PRKN: variants seen among roughly 807,000 people sequenced by gnomAD.
The protein encoded by PRKN is parkin RBR E3 ubiquitin protein ligase.
A neutral mutation model predicts 59.5 loss-of-function variants in PRKN; 56 were observed. The ratio of observed to expected loss-of-function variants is 0.94; its 90% CI spans 0.76 to 1.18. PRKN has a LOEUF of 1.18. PRKN is among the 50% of genes most tolerant of loss of function. The probability of loss-of-function intolerance (pLI) is 0.00; values close to 1 mark genes in which losing one functional copy is unlikely to be tolerated. For synonymous variants in PRKN, 250 were observed against 222.1 expected, an observed-to-expected ratio of 1.13 and a Z score of -1.12; for missense variants, 657 against 596.4, an observed-to-expected ratio of 1.10 and a Z score of -1.06.
At chr6:162,528,835 T>C (rs1410898882) in intron 1 of PRKN, among the ~76,000 whole-genome samples, 1 of 151,934 alleles carries the variant, frequency 6.6e-6, no homozygotes, top group African/African-American at 2.4e-5. Context: ...AACAAAAACC[T>C]AGAAGAGAGT....
At chr6:161,508,934 T>C (rs995473637) in intron 9 of PRKN, among the ~76,000 whole-genome samples, 1 of 152,010 alleles carries the variant, frequency 6.6e-6, no homozygotes, top group Non-Finnish European at 1.5e-5. Flanking sequence ...AACCTCTGCC[T>C]CCCAGGTTCA....
intron 1 of PRKN, among the ~76,000 whole-genome samples, chr6:162,531,940 CAAAAA>C (rs35097200): frequency 6.9e-4 from 73 of 106,438 alleles, no homozygotes; most frequent in Non-Finnish European, 5.7e-4. Flanking sequence ...ACTCTGACTC[CAAAAA>C]AAAAAAAAAA....
intron 7 of PRKN, among the ~76,000 whole-genome samples, chr6:161,670,391 C>G (rs1784865451): frequency 6.6e-6 from 1 of 152,160 alleles, no homozygotes; most frequent in Admixed American, 6.5e-5. Flanking sequence ...GTTCCACCTT[C>G]TCTTGTGGTT....
rs144816769 is a variant in PRKN at position 161,578,833 on chromosome 6, A to G, written c.872-9417T>C. On this transcript the variant is annotated intron_variant, in intron 7 of 11. Transcript: ENST00000366898. This position sits in a 1 kb window ranked among gnomAD's most constrained non-coding sequence, Gnocchi z 4.2. Reference sequence around the variant, plus strand: ...TTTTTCTTATTTGTATGTCATTACAATGTCAAAACAACTTAAATATTTTGA... The same window carrying G: ...TTTTTCTTATTTGTATGTCATTACAGTGTCAAAACAACTTAAATATTTTGA... Among the ~76,000 whole-genome samples, 136 of 152,386 alleles carry G rather than the reference A, an allele frequency of 8.9e-4. 1 individual carries two copies. The highest frequency in any genetic ancestry group is 1.6e-3 in the Non-Finnish European group (108 of 68,042).
chr6:162,310,881 C>T (rs1438360174), intron 2 of PRKN, among the ~76,000 whole-genome samples: 2 of 151,878 alleles, frequency 1.3e-5, no homozygotes, highest in Admixed American at 1.3e-4. Flanking sequence ...AAATTTGAAA[C>T]AACCACAGCA....
intron 6 of PRKN, among the ~76,000 whole-genome samples, chr6:161,916,362 A>G (rs1007616415): frequency 6.6e-6 from 1 of 152,242 alleles, no homozygotes; most frequent in Non-Finnish European, 1.5e-5. Context: ...GTATCATTCC[A>G]TAAGTATACA....
At chr6:162,211,069 C>T (rs956203426) in intron 3 of PRKN, among the ~76,000 whole-genome samples, 2 of 152,142 alleles carry the variant, frequency 1.3e-5, no homozygotes, top group African/African-American at 4.8e-5. Context: ...ACAGGTAAGC[C>T]TTCCTCATTA....
Position 161,530,376 on chromosome 6 carries a change from C to T in PRKN, c.1083+18478G>A, listed in dbSNP as rs1779158703. On this transcript the variant is annotated intron_variant, in intron 9 of 11. Transcript: ENST00000366898. This position sits in a 1 kb window ranked among gnomAD's most constrained non-coding sequence, Gnocchi z 5.0. ...TGACATTGCATATCATCTTCCATAT[C>T]AGGTACCCTGGTTTGAAAAATCATA... is the stretch of plus-strand genomic sequence containing the variant. Among the ~76,000 whole-genome samples, 1 of 152,220 alleles carries T rather than the reference C, an allele frequency of 6.6e-6. No homozygotes were observed. Among genetic ancestry groups the T allele is most frequent in the Non-Finnish European group, 1.5e-5 (1 of 68,042 alleles).
intron 2 of PRKN, among the ~76,000 whole-genome samples, chr6:162,287,331 C>T (rs928386147): frequency 3.3e-5 from 5 of 152,198 alleles, no homozygotes; most frequent in African/African-American, 1.2e-4. Flanking sequence ...GTTTGGGAGT[C>T]TGAGGCAGGA....
intron 4 of PRKN, among the ~76,000 whole-genome samples, chr6:162,165,478 C>A (rs1313440205): frequency 6.0e-5 from 9 of 148,998 alleles, no homozygotes; most frequent in Admixed American, 4.0e-4. Context: ...TCCTAATGAA[C>A]CTAATTTGAA....
chr6:161,674,862 G>C (rs908218926), intron 7 of PRKN, among the ~76,000 whole-genome samples: 2 of 152,230 alleles, frequency 1.3e-5, no homozygotes, highest in Non-Finnish European at 2.9e-5. Context: ...TCTGGGGCTA[G>C]TGTCTACTGG....
chr6:162,278,946 A>G (rs1257243161), intron 2 of PRKN, among the ~76,000 whole-genome samples: 1 of 152,066 alleles, frequency 6.6e-6, no homozygotes, highest in Non-Finnish European at 1.5e-5. Flanking sequence ...GATATTTGCT[A>G]TAAATAGATT....
At chr6:162,080,247 G>C (rs1408414954) in intron 4 of PRKN, among the ~76,000 whole-genome samples, 1 of 152,012 alleles carries the variant, frequency 6.6e-6, no homozygotes, top group African/African-American at 2.4e-5. Context: ...TGTACCCTTG[G>C]GCAAGTAATT....
chr6:161,995,455 C>T (rs191334152), intron 5 of PRKN, among the ~76,000 whole-genome samples: 1 of 151,972 alleles, frequency 6.6e-6, no homozygotes. Flanking sequence ...GCAAAGGAAA[C>T]AATCAACAGA....
intron 1 of PRKN, among the ~76,000 whole-genome samples, chr6:162,681,036 G>C (rs770288592): frequency 4.0e-5 from 6 of 151,416 alleles, no homozygotes; most frequent in Non-Finnish European, 8.8e-5. Context: ...GCAAAATATA[G>C]AAAATCTCTC....
chr6:161,426,609 T>C (rs1056587090), intron 9 of PRKN, among the ~76,000 whole-genome samples: 3 of 147,112 alleles, frequency 2.0e-5, no homozygotes, highest in Non-Finnish European at 4.5e-5. Context: ...GACCTTGTGA[T>C]CATGTGAGTT....
chr6:162,320,383 AAC>A (rs1278946086), intron 2 of PRKN, among the ~76,000 whole-genome samples: 3 of 109,924 alleles, frequency 2.7e-5, no homozygotes, highest in South Asian at 2.9e-4. Flanking sequence ...AAAAAAAAAA[AAC>A]CAAGCATTTT....
chr6:162,537,982 C>A lies in PRKN; in HGVS notation c.8-94509G>T, dbSNP rs189650755. ...ATTACCCCAAACACCCAGTGGACAG[C>A]TACGACATTATTGTTTTGTTTTGAT... is the stretch of plus-strand genomic sequence containing the variant. On this transcript the variant is annotated intron_variant, in intron 1 of 11. Transcript: ENST00000366898. 2.0e-4 allele frequency among the ~76,000 whole-genome samples: 30 copies of A among 152,300 alleles called. 1 individual carries two copies. Among genetic ancestry groups the A allele is most frequent in the Admixed American group, 2.0e-3 (30 of 15,296 alleles).
At chr6:162,180,983 C>A (rs968254319) in intron 4 of PRKN, among the ~76,000 whole-genome samples, 2 of 152,218 alleles carry the variant, frequency 1.3e-5, no homozygotes, top group Admixed American at 6.5e-5. Flanking sequence ...GGATTGGCCT[C>A]ATTCTCAGGT....
Sources: gnomAD v4.1 joint callset for allele counts (sites outside exome capture counted in the v4.1 genomes callset) on GRCh38, gnomAD v4.1.1 for gene constraint, Gnocchi (gnomAD v3.1) non-coding constraint, MANE v1.5 for transcripts, NCBI Gene and HGNC (gene_info 2026-07-23, HGNC 2026-07-21) for gene names.